Variants in TGM2 observed in about 807,000 individuals in gnomAD.
The protein encoded by TGM2 is protein-glutamine gamma-glutamyltransferase 2.
In TGM2, 53 loss-of-function variants were observed where a neutral mutation model predicts 75.6. The ratio of observed to expected loss-of-function variants is 0.70; its 90% confidence interval spans 0.56 to 0.88. The LOEUF (loss-of-function observed/expected upper bound fraction) is 0.88, where lower values mean the gene tolerates loss of function less well. Among genes scored for constraint, TGM2 ranks in the 40% least tolerant of loss-of-function variants. The pLI is 0.00. For missense variants in TGM2, 842 were observed against 928.5 expected (o/e 0.91, Z 1.21); for synonymous variants, 374 against 381.1 (o/e 0.98, Z 0.22).
intron 5 of TGM2, among the ~76,000 whole-genome samples, chr20:38,147,238 A>C (rs1006061765): frequency 9.9e-5 from 15 of 151,896 alleles, no homozygotes; most frequent in African/African-American, 2.9e-4. Context: ...CCCACCCCAG[A>C]TTGTGTCGTT....
intron 4 of TGM2, 150 bp from the exon 5 acceptor site, chr20:38,148,239 G>C (rs2281198): frequency 0.12 from 120,044 of 1,008,150 alleles, 8,661 homozygotes; most frequent in East Asian, 0.27. Flanking sequence ...CTCTCTGGTG[G>C]CAGCTTCTCT....
intron 10 of TGM2, among the ~76,000 whole-genome samples, chr20:38,134,253 T>C (rs900822785): frequency 2.6e-5 from 4 of 152,222 alleles, no homozygotes; most frequent in Non-Finnish European, 5.9e-5. Flanking sequence ...CCCACCTCTT[T>C]GGCCTTTCAT....
At chr20:38,167,987 A>C (rs11086467), upstream of TGM2, among the ~76,000 whole-genome samples, 71,299 of 152,088 alleles carry the variant, frequency 0.47, 19,188 homozygotes, top group Non-Finnish European at 0.62. Flanking sequence ...GAGCTAATTC[A>C]TGGAGAGTTT....
At position 38,161,473 on chromosome 20, in the gene TGM2, T is replaced by G; in HGVS notation, c.137A>C (p.Glu46Ala). Residue 46 changes from glutamate (E) to alanine (A), a missense_variant, in exon 2 of 13, where the codon GAG becomes GCG. Physicochemically the swap from Glu to Ala is moderately radical, Grantham distance 107. Coordinates refer to ENST00000361475, the MANE Select transcript of TGM2 (RefSeq NM_004613.4). Reference sequence around the variant, plus strand: ...TACACTGGCCTCGTAGTTGCGGCCCTCAAAGTGCAGGGTCAGCCAGAAGGG... The same window carrying G: ...TACACTGGCCTCGTAGTTGCGGCCCGCAAAGTGCAGGGTCAGCCAGAAGGG... Reference protein sequence around the residue: ...GQPFWLTLHFEGRNYEASVDS... With the variant: ...GQPFWLTLHFAGRNYEASVDS... The G allele has an allele frequency of 1.2e-6, 2 of 1,614,094 alleles. No individual in the cohort carries two copies. The highest frequency in any genetic ancestry group is 1.7e-6 in the Non-Finnish European group (2 of 1,180,012).
At chr20:38,147,903 A>G (rs2122913619) in intron 5 of TGM2, 58 bp downstream of exon 5, 2 of 1,573,448 alleles carry the variant, frequency 1.3e-6, no homozygotes, top group Non-Finnish European at 1.7e-6. Flanking sequence ...TGCGAGGGAG[A>G]GGCCTGCGGG....
At position 38,132,217 on chromosome 20, in the gene TGM2, C is replaced by T. The variant is rs2074842483; in HGVS notation, c.1776+123G>A. ...TTCGATGAGGCTAGGATTTGAGGAT[C>T]GCTAAGGCACCAAAGGTCTGGAGCT... On this transcript the variant is annotated intron_variant, in intron 11 of 12. Transcript: ENST00000361475. The T allele has an allele frequency of 2.7e-6, 3 of 1,104,306 alleles. No individual in the cohort carries two copies. The East Asian group carries it at 7.1e-5, about 26-fold the overall frequency. The allele number at this position is 1,104,306 out of a possible 1,614,324, so 68.4% of individuals were successfully genotyped here.
intron 3 of TGM2, among the ~76,000 whole-genome samples, chr20:38,152,999 C>T (rs1415532697): frequency 7.0e-6 from 1 of 142,110 alleles, no homozygotes; most frequent in Non-Finnish European, 1.5e-5. Context: ...AGTTGCTACC[C>T]TCTGCAGATT....
At chr20:38,136,189 C>T (rs1600483244) in intron 10 of TGM2, among the ~76,000 whole-genome samples, 1 of 152,250 alleles carries the variant, frequency 6.6e-6, no homozygotes, top group South Asian at 2.1e-4. Flanking sequence ...GGAGTGCCCA[C>T]GGTGGGCCCA....
chr20:38,164,724 C>T (rs549305561), intron 1 of TGM2, among the ~76,000 whole-genome samples: 2 of 152,288 alleles, frequency 1.3e-5, no homozygotes, highest in East Asian at 1.9e-4. Context: ...GATAGGATGC[C>T]GAAAGCTCCT....
At chr20:38,165,505 G>T (rs181217378), upstream of TGM2, 2 of 516,160 alleles carry the variant, frequency 3.9e-6, no homozygotes, top group African/African-American at 2.1e-5. Flanking sequence ...AGACACACCT[G>T]GACCCACAGA....
chr20:38,140,173 A>G (rs891797565), intron 8 of TGM2, among the ~76,000 whole-genome samples: 1 of 152,252 alleles, frequency 6.6e-6, no homozygotes, highest in African/African-American at 2.4e-5. Flanking sequence ...TGTGTTCTCC[A>G]AGTGAATACG....
intron 2 of TGM2, among the ~76,000 whole-genome samples, chr20:38,157,427 C>T (rs555567300): frequency 6.6e-6 from 1 of 152,344 alleles, no homozygotes; most frequent in South Asian, 2.1e-4. Flanking sequence ...GTCTGGCTCC[C>T]TGACTCTGCC....
upstream of TGM2, chr20:38,165,288 C>A: frequency 6.3e-7 from 1 of 1,593,932 alleles, no homozygotes; most frequent in Non-Finnish European, 8.5e-7. Flanking sequence ...CGGAGAGCGG[C>A]GCTAACTTAT....
intron 2 of TGM2, among the ~76,000 whole-genome samples, chr20:38,157,334 G>A (rs1016586728): frequency 2.6e-5 from 4 of 152,124 alleles, no homozygotes; most frequent in African/African-American, 9.7e-5. Context: ...GGGGCCGACT[G>A]GAAGCCTTTG....
rs1242871346 is a variant in TGM2 at position 38,161,742 on chromosome 20, C to A, written c.11-143G>T. 35 of 959,926 alleles carry A rather than the reference C, an allele frequency of 3.6e-5. 1 individual carries two copies. The Admixed American group carries it at 6.8e-4, about 19-fold the overall frequency. The allele number at this position is 959,926 out of a possible 1,614,324, so 59.5% of individuals were successfully genotyped here. On this transcript the variant is annotated intron_variant, in intron 1 of 12. Transcript: ENST00000361475. ...CATTGTTTCGACTGACCTGTCTCCC[C>A]AGCCCTGGTCACACGGGGGCTAGGT...
Position 38,142,058 on chromosome 20 carries a change from C to A in TGM2, c.995+6G>T. On this transcript the variant is annotated splice_donor_region_variant and intron_variant, in intron 7 of 12. Transcript: ENST00000361475. ...GGCTCCGATCCCACCCTGGCCCCCACCTCACCAGATCATCTCGCTCTTGTC... is the reference window on the plus strand; with the variant it reads ...GGCTCCGATCCCACCCTGGCCCCCAACTCACCAGATCATCTCGCTCTTGTC... 6.2e-7 allele frequency: 1 copy of A among 1,614,154 alleles called. No homozygotes were observed.
intron 2 of TGM2, among the ~76,000 whole-genome samples, chr20:38,157,902 T>C (rs921362846): frequency 6.6e-6 from 1 of 152,206 alleles, no homozygotes; most frequent in African/African-American, 2.4e-5. Flanking sequence ...TCAGGCCAAA[T>C]AGCAGATCGT....
At chr20:38,148,351 A>G (rs1363527492) in intron 4 of TGM2, among the ~76,000 whole-genome samples, 1 of 152,172 alleles carries the variant, frequency 6.6e-6, no homozygotes, top group Non-Finnish European at 1.5e-5. Flanking sequence ...GGGAACCTGG[A>G]AATCTGGAGC....
upstream of TGM2, among the ~76,000 whole-genome samples, chr20:38,168,112 G>T (rs564897507): frequency 1.3e-5 from 2 of 152,146 alleles, no homozygotes; most frequent in Non-Finnish European, 2.9e-5. Flanking sequence ...GGCCTGTCCC[G>T]CACCCAGCCA....
Sources: allele counts gnomAD v4.1 joint callset (sites outside exome capture counted in the v4.1 genomes callset), GRCh38; gene constraint gnomAD v4.1.1; transcripts MANE v1.5; gene names NCBI Gene and HGNC (gene_info 2026-07-23, HGNC 2026-07-21).